Variants in ADAMTSL1 observed in about 807,000 individuals in gnomAD.
ADAMTSL1 encodes the protein ADAMTS-like protein 1.
A neutral mutation model predicts 201.8 loss-of-function variants in ADAMTSL1; 126 were observed. The observed-to-expected ratio is 0.62, with a 90% CI of 0.54 to 0.72. The LOEUF (loss-of-function observed/expected upper bound fraction) is 0.72. Ranked by LOEUF, ADAMTSL1 falls within the 30% of genes least tolerant of loss-of-function variation. The probability of loss-of-function intolerance (pLI) is 0.00; values close to 1 mark genes in which losing one functional copy is unlikely to be tolerated. For synonymous variants in ADAMTSL1, 1,121 were observed against 903.4 expected (o/e 1.24, Z -4.32); for missense variants, 2,679 against 2,277.8 (o/e 1.18, Z -3.59).
chr9:18,173,737 A>G (rs1023873002), intron 2 of ADAMTSL1, among the ~76,000 whole-genome samples: 1 of 152,146 alleles, frequency 6.6e-6, no homozygotes, highest in African/African-American at 2.4e-5. Flanking sequence ...ACAGAGTAAA[A>G]TTCGGTTTAA....
rs374356345 is a variant in ADAMTSL1 at position 18,743,888 on chromosome 9, G to A, written c.2007-9410G>A. Among the ~76,000 whole-genome samples the A allele has an allele frequency of 4.6e-5, 7 of 152,094 alleles. No individual in the cohort carries two copies. The East Asian group carries it at 9.6e-4, about 21-fold the overall frequency. On this transcript the variant is annotated intron_variant, in intron 15 of 28. Coordinates refer to ENST00000380548, the MANE Select transcript of ADAMTSL1 (RefSeq NM_001040272.6). ...AGGAGTAGCAAATCCATCTGTGATC[G>A]CTGGGTATAACTGCTTTTCTGACTT...
chr9:18,406,016 G>A (rs1333879469), intron 2 of ADAMTSL1, among the ~76,000 whole-genome samples: 1 of 152,140 alleles, frequency 6.6e-6, no homozygotes, highest in Non-Finnish European at 1.5e-5. Context: ...AGAATGTTAG[G>A]TCTTGAACAA....
At chr9:18,622,195 G>C in intron 4 of ADAMTSL1, 48 bp from the exon 5 acceptor site, 2 of 1,596,290 alleles carry the variant, frequency 1.3e-6, no homozygotes, top group South Asian at 2.3e-5. Context: ...AATGGATTTT[G>C]CCATCGGTAG....
rs375959509 is a variant in ADAMTSL1, at chr9:18,736,349, T to C, written c.2006+14684T>C. Among the ~76,000 whole-genome samples the C allele has an allele frequency of 2.0e-5, 3 of 152,298 alleles. 1 individual carries two copies. The highest frequency in any genetic ancestry group is 7.2e-5 in the African/African-American group (3 of 41,552). ...GAATGCTTCCATTTCTCTCTTCTTT[T>C]TTCTGTGTTACCTGCTAGGTACTAC... On this transcript the variant is annotated intron_variant, in intron 15 of 28. Transcript: ENST00000380548.
chr9:17,969,117 T>C (rs1818101082), intron 1 of ADAMTSL1, among the ~76,000 whole-genome samples: 1 of 152,082 alleles, frequency 6.6e-6, no homozygotes, highest in African/African-American at 2.4e-5. Context: ...GTGTATACAT[T>C]GAGCCTAATT....
chr9:18,064,692 A>G (rs990916678), intron 1 of ADAMTSL1, among the ~76,000 whole-genome samples: 3 of 152,176 alleles, frequency 2.0e-5, no homozygotes, highest in African/African-American at 7.2e-5. Flanking sequence ...ATTTATGATT[A>G]ATAACTGGAT....
intron 1 of ADAMTSL1, among the ~76,000 whole-genome samples, chr9:17,942,152 G>A (rs1008810516): frequency 7.2e-5 from 11 of 152,102 alleles, no homozygotes; most frequent in African/African-American, 2.7e-4. Flanking sequence ...CAGAGGCAGG[G>A]GGATAGAGAG....
At chr9:18,072,005 G>T (rs910150247) in intron 1 of ADAMTSL1, among the ~76,000 whole-genome samples, 5 of 152,186 alleles carry the variant, frequency 3.3e-5, no homozygotes, top group African/African-American at 1.2e-4. Context: ...GACAGTGCCA[G>T]AACCTTTCTA....
rs1006685457 is a variant in ADAMTSL1 at position 18,346,945 on chromosome 9, C to G, written c.208-157884C>G. On this transcript the variant is annotated intron_variant, in intron 2 of 29. Coordinates refer to the ADAMTSL1 transcript ENST00000680146. ...CCTTCCATTCATTTTCCAGTAGAAGCAACTCTTTGCCTCAGACATCTTCAG... is the reference window on the plus strand; with the variant it reads ...CCTTCCATTCATTTTCCAGTAGAAGGAACTCTTTGCCTCAGACATCTTCAG... Among the ~76,000 whole-genome samples the G allele has an allele frequency of 4.6e-5, 7 of 152,254 alleles. No homozygotes were observed. In the South Asian group the frequency reaches 1.5e-3, roughly 32 times the overall value.
chr9:18,514,319 T>A, intron 2 of ADAMTSL1, among the ~76,000 whole-genome samples: 1 of 143,674 alleles, frequency 7.0e-6, no homozygotes, highest in East Asian at 2.0e-4. Flanking sequence ...TGCAACTGAT[T>A]TTTCTTTCTT....
intron 2 of ADAMTSL1, among the ~76,000 whole-genome samples, chr9:18,467,718 A>C (rs1245009407): frequency 6.6e-6 from 1 of 152,202 alleles, no homozygotes; most frequent in Non-Finnish European, 1.5e-5. Context: ...GGATGAACAA[A>C]TACACAGTAG....
At chr9:18,434,088 C>T (rs562084585) in intron 2 of ADAMTSL1, among the ~76,000 whole-genome samples, 1 of 152,276 alleles carries the variant, frequency 6.6e-6, no homozygotes, top group Non-Finnish European at 1.5e-5. Flanking sequence ...TAGATCATAG[C>T]TTCAGCAGCT....
At chr9:18,741,578 G>C (rs1818829543) in intron 15 of ADAMTSL1, among the ~76,000 whole-genome samples, 1 of 152,202 alleles carries the variant, frequency 6.6e-6, no homozygotes, top group African/African-American at 2.4e-5. Context: ...TTAATCTGCT[G>C]GGGCTTCCAT....
intron 1 of ADAMTSL1, among the ~76,000 whole-genome samples, chr9:18,052,896 T>C (rs1394584954): frequency 1.3e-5 from 2 of 152,186 alleles, no homozygotes; most frequent in Non-Finnish European, 2.9e-5. Context: ...CTTTACAGCT[T>C]TGACATGGTC....
At position 18,064,954 on chromosome 9, in the gene ADAMTSL1, A is replaced by ATTTTTTTTT. The variant is rs563021690; in HGVS notation, c.88-98882_88-98874dup. On this transcript the variant is annotated intron_variant, in intron 1 of 29. Coordinates refer to the ADAMTSL1 transcript ENST00000680146. ...ATTCAGAAAGCAGTATTTGCTAAAGATTTTTTTTTTTTTTTTTTTTTTTTT... is the reference window on the plus strand; with the variant it reads ...ATTCAGAAAGCAGTATTTGCTAAAGATTTTTTTTTTTTTTTTTTTTTTTTTTTTTTTTTT... Among the ~76,000 whole-genome samples, 25 of 69,012 alleles carry ATTTTTTTTT rather than the reference A, an allele frequency of 3.6e-4. 1 individual carries two copies. The highest frequency in any genetic ancestry group is 7.6e-4 in the South Asian group (1 of 1,308). 45.3% of individuals were successfully genotyped at this position (69,012 alleles called of 152,430 possible).
At chr9:18,258,516 T>C (rs146533879) in intron 2 of ADAMTSL1, among the ~76,000 whole-genome samples, 1 of 152,312 alleles carries the variant, frequency 6.6e-6, no homozygotes, top group Middle Eastern at 3.4e-3. Context: ...TCCCTTAATC[T>C]GCCATCCTTG....
At chr9:18,215,805 G>A (rs1830036035) in intron 2 of ADAMTSL1, among the ~76,000 whole-genome samples, 1 of 152,092 alleles carries the variant, frequency 6.6e-6, no homozygotes, top group Admixed American at 6.5e-5. Context: ...AGCTCCTGCT[G>A]TCCTCACGGA....
chr9:18,162,272 C>G (rs1313938251), intron 1 of ADAMTSL1, among the ~76,000 whole-genome samples: 1 of 152,004 alleles, frequency 6.6e-6, no homozygotes, highest in Non-Finnish European at 1.5e-5. Context: ...TTGATTTCCC[C>G]CTCTGTCACA....
chr9:17,979,223 G>C (rs1474409122), intron 1 of ADAMTSL1, among the ~76,000 whole-genome samples: 1 of 151,836 alleles, frequency 6.6e-6, no homozygotes. Flanking sequence ...CCCAGATCTG[G>C]GGAGTTTCCA....
Sources: gnomAD v4.1 joint callset for allele counts (sites outside exome capture counted in the v4.1 genomes callset) on GRCh38, gnomAD v4.1.1 for gene constraint, MANE v1.5 for transcripts, NCBI Gene and HGNC (gene_info 2026-07-23, HGNC 2026-07-21) for gene names.